Variants in BCKDHB observed in about 807,000 individuals in gnomAD.
BCKDHB encodes the protein 2-oxoisovalerate dehydrogenase subunit beta, mitochondrial.
In BCKDHB, 41 loss-of-function variants were observed where a neutral mutation model predicts 48.5. The observed-to-expected ratio is 0.85, with a 90% confidence interval of 0.66 to 1.10. The LOEUF (loss-of-function observed/expected upper bound fraction) is 1.10. Among genes scored for constraint, BCKDHB ranks in the 50% least tolerant of loss-of-function variants. BCKDHB has a pLI of 0.00. For synonymous variants in BCKDHB, 201 were observed against 174.8 expected, an observed-to-expected ratio of 1.15 and a Z score of -1.18; for missense variants, 496 against 494.2, an observed-to-expected ratio of 1.00 and a Z score of -0.03.
chr6:80,234,244 T>C (rs1452288257), intron 8 of BCKDHB, among the ~76,000 whole-genome samples: 1 of 152,156 alleles, frequency 6.6e-6, no homozygotes, highest in African/African-American at 2.4e-5. Flanking sequence ...ATGGATGTAG[T>C]ATCAGTCACC....
intron 9 of BCKDHB, among the ~76,000 whole-genome samples, chr6:80,308,881 G>T (rs748823794): frequency 6.8e-4 from 103 of 151,718 alleles, no homozygotes; most frequent in Non-Finnish European, 1.2e-3. Context: ...GCACCCGGCC[G>T]TAGATTTTCT....
chr6:80,307,464 T>G, intron 9 of BCKDHB: 2 of 985,360 alleles, frequency 2.0e-6, no homozygotes, highest in South Asian at 4.7e-5. Context: ...GTGCTAATGA[T>G]TTTCTATTAC....
rs78073915 is a variant in BCKDHB at position 80,153,883 on chromosome 6, A to G, written c.344-13795A>G. ...CCCATGTATCGTGATGCCAGAGCCCATGCTTTTAAGCACTGTAGTAACTTG... is the reference window on the plus strand; with the variant it reads ...CCCATGTATCGTGATGCCAGAGCCCGTGCTTTTAAGCACTGTAGTAACTTG... On this transcript the variant is annotated intron_variant, in intron 3 of 9. Transcript: ENST00000320393. 8.4e-3 allele frequency among the ~76,000 whole-genome samples: 1,272 copies of G among 152,324 alleles called. 4 individuals are homozygous for G. Among genetic ancestry groups the G allele is most frequent in the Non-Finnish European group, 0.013 (887 of 68,028 alleles).
chr6:80,151,212 TTTTA>T (rs1485629967), intron 3 of BCKDHB, among the ~76,000 whole-genome samples: 2 of 152,170 alleles, frequency 1.3e-5, no homozygotes, highest in Non-Finnish European at 2.9e-5. Flanking sequence ...CTGATTCTAT[TTTTA>T]TTTACTCATT....
chr6:80,213,634 A>G (rs911186209), intron 8 of BCKDHB, among the ~76,000 whole-genome samples: 7 of 141,776 alleles, frequency 4.9e-5, no homozygotes, highest in East Asian at 4.1e-4. Flanking sequence ...GCAATCTCCT[A>G]CCTTTTTGAA....
the BCKDHB span, among the ~76,000 whole-genome samples, chr6:80,410,343 T>C: frequency 5.9e-5 from 9 of 152,172 alleles, no homozygotes; most frequent in Admixed American, 5.9e-4. Context: ...CTTCCCTTTG[T>C]GGGTAACCCG....
chr6:80,263,457 AT>A (rs1337282168), intron 8 of BCKDHB, among the ~76,000 whole-genome samples: 8 of 152,154 alleles, frequency 5.3e-5, no homozygotes, highest in African/African-American at 1.9e-4. Context: ...TACAAAAGAT[AT>A]GTGTAATTTT....
At chr6:80,375,277 G>C in the BCKDHB span, among the ~76,000 whole-genome samples, 1 of 152,076 alleles carries the variant, frequency 6.6e-6, no homozygotes, top group Non-Finnish European at 1.5e-5. Flanking sequence ...TCTTCCTTGG[G>C]AACACCAATT....
intron 6 of BCKDHB, among the ~76,000 whole-genome samples, chr6:80,171,946 T>A (rs2127780072): frequency 6.6e-6 from 1 of 152,262 alleles, no homozygotes; most frequent in African/African-American, 2.4e-5. Flanking sequence ...ATGGAAATTT[T>A]AAATAGCAAA....
At chr6:80,249,849 T>A (rs1776762391) in intron 8 of BCKDHB, among the ~76,000 whole-genome samples, 1 of 152,222 alleles carries the variant, frequency 6.6e-6, no homozygotes, top group South Asian at 2.1e-4. Context: ...CTTGAAAACC[T>A]CCTCTTAAAA....
intron 6 of BCKDHB, among the ~76,000 whole-genome samples, chr6:80,175,865 T>G (rs549254131): frequency 2.0e-5 from 3 of 152,328 alleles, no homozygotes; most frequent in East Asian, 1.9e-4. Context: ...TAAGAAAGAT[T>G]GTTGCTTCTG....
At chr6:80,230,183 C>T (rs1051380410) in intron 8 of BCKDHB, among the ~76,000 whole-genome samples, 9 of 150,164 alleles carry the variant, frequency 6.0e-5, no homozygotes, top group African/African-American at 1.2e-4. Context: ...GGATTACAGG[C>T]GCCCACCACC....
intron 8 of BCKDHB, among the ~76,000 whole-genome samples, chr6:80,233,540 A>G (rs900957614): frequency 1.3e-5 from 2 of 152,204 alleles, no homozygotes; most frequent in Non-Finnish European, 2.9e-5. Flanking sequence ...TGGTTTTCAG[A>G]ATCAAGTGCT....
At chr6:80,321,223 T>C (rs960085325) in intron 9 of BCKDHB, among the ~76,000 whole-genome samples, 9 of 152,194 alleles carry the variant, frequency 5.9e-5, no homozygotes, top group Non-Finnish European at 1.2e-4. Context: ...CTGCCTTGGG[T>C]ACAGAATATC....
the BCKDHB span, among the ~76,000 whole-genome samples, chr6:80,390,516 A>G: frequency 6.6e-6 from 1 of 152,222 alleles, no homozygotes; most frequent in African/African-American, 2.4e-5. Flanking sequence ...TTGTGCTAAG[A>G]AAATATCTTC....
the BCKDHB span, among the ~76,000 whole-genome samples, chr6:80,452,593 G>C: frequency 6.6e-6 from 1 of 152,144 alleles, no homozygotes; most frequent in Non-Finnish European, 1.5e-5. Flanking sequence ...TAAAGAGTCT[G>C]TGTGTGTGAC....
At chr6:80,157,962 C>T (rs1019886823) in intron 3 of BCKDHB, among the ~76,000 whole-genome samples, 5 of 152,166 alleles carry the variant, frequency 3.3e-5, no homozygotes, top group Admixed American at 6.5e-5. Flanking sequence ...TTGCCATAGA[C>T]ATAAATGTCT....
chr6:80,273,637 A>G (rs16891629), intron 9 of BCKDHB, among the ~76,000 whole-genome samples: 8 of 152,044 alleles, frequency 5.3e-5, no homozygotes, highest in Admixed American at 3.3e-4. Context: ...TTTTCACAGC[A>G]TTCACGTTCT....
At chr6:80,125,815 A>G (rs1770313710) in intron 1 of BCKDHB, among the ~76,000 whole-genome samples, 1 of 152,210 alleles carries the variant, frequency 6.6e-6, no homozygotes, top group Non-Finnish European at 1.5e-5. Flanking sequence ...CTCAAAGATC[A>G]TTGATCAGAG....
Sources: gnomAD v4.1 joint callset for allele counts (sites outside exome capture counted in the v4.1 genomes callset) on GRCh38, gnomAD v4.1.1 for gene constraint, MANE v1.5 for transcripts, NCBI Gene and HGNC (gene_info 2026-07-23, HGNC 2026-07-21) for gene names.